DOCK4: variants seen among roughly 807,000 people sequenced by gnomAD.
DOCK4 encodes dedicator of cytokinesis 4.
Under a neutral mutation model 268.1 loss-of-function variants are expected in DOCK4, and 97 were observed. That is an observed-to-expected ratio of 0.36 (90% CI 0.31 to 0.43). The LOEUF (loss-of-function observed/expected upper bound fraction) is 0.43, where lower values mean the gene tolerates loss of function less well. Among genes scored for constraint, DOCK4 ranks in the 20% least tolerant of loss-of-function variants. DOCK4 has a pLI of 1.00. For missense variants in DOCK4, 2,145 were observed against 2,455.7 expected, an observed-to-expected ratio of 0.87 and a Z score of 2.67; for synonymous variants, 954 against 887.2, an observed-to-expected ratio of 1.08 and a Z score of -1.34.
intron 13 of DOCK4, among the ~76,000 whole-genome samples, chr7:111,909,594 CAAAT>C (rs1249488345): frequency 1.3e-5 from 2 of 152,186 alleles, no homozygotes; most frequent in Non-Finnish European, 2.9e-5. Context: ...ATAAAATAAA[CAAAT>C]AAATCCTCAG....
chr7:111,902,901 C>G (rs941247881), intron 13 of DOCK4, among the ~76,000 whole-genome samples: 3 of 152,106 alleles, frequency 2.0e-5, no homozygotes, highest in Non-Finnish European at 4.4e-5. Flanking sequence ...TCCCGAGTAG[C>G]TGGGACTACA....
In DOCK4 at chr7:111,765,279, T is replaced by C. The variant is rs143820644; in HGVS notation, c.3916-57A>G. 28 of 976,850 alleles carry C rather than the reference T, an allele frequency of 2.9e-5. No individual in the cohort carries two copies. The East Asian group carries it at 5.7e-4, about 20-fold the overall frequency. 60.5% of individuals were successfully genotyped at this position (976,850 alleles called of 1,614,324 possible). A position where few individuals can be genotyped will look rare whatever the true frequency, so the allele number is the denominator to read the frequency against. On this transcript the variant is annotated intron_variant, in intron 38 of 52. Coordinates refer to ENST00000428084, the MANE Select transcript of DOCK4 (RefSeq NM_001363540.2). Reference sequence around the variant, plus strand: ...TATCTCATCTTTCGGTTCTATCAAATTTATAGAATAAGATTTCTTTTTTAC... The same window carrying C: ...TATCTCATCTTTCGGTTCTATCAAACTTATAGAATAAGATTTCTTTTTTAC...
chr7:112,037,716 C>G (rs1803940530), intron 1 of DOCK4, among the ~76,000 whole-genome samples: 1 of 152,142 alleles, frequency 6.6e-6, no homozygotes. Context: ...AATCTGAACA[C>G]TCTTGCACTT....
At chr7:112,051,431 T>C (rs1224763560) in intron 1 of DOCK4, among the ~76,000 whole-genome samples, 1 of 152,112 alleles carries the variant, frequency 6.6e-6, no homozygotes, top group African/African-American at 2.4e-5. Context: ...ATTATAATGA[T>C]ACTAAATTAC....
intron 1 of DOCK4, among the ~76,000 whole-genome samples, chr7:112,204,842 TACAC>T (rs1042729081): frequency 2.0e-5 from 3 of 151,584 alleles, no homozygotes; most frequent in African/African-American, 7.3e-5. Context: ...AGCAGATATC[TACAC>T]ATCACCTAAA....
intron 30 of DOCK4, chr7:111,801,583 A>G (rs928764478): frequency 6.7e-6 from 1 of 149,950 alleles, no homozygotes; most frequent in African/African-American, 2.4e-5. Flanking sequence ...TCCTACCTTT[A>G]TTTTTGACCT....
At position 111,924,526 on chromosome 7, in the gene DOCK4, T is replaced by A. The variant is rs368401224; in HGVS notation, c.1067-8622A>T. Among the ~76,000 whole-genome samples the A allele has an allele frequency of 4.7e-4, 71 of 152,300 alleles. 1 individual carries two copies. Among genetic ancestry groups the A allele is most frequent in the African/African-American group, 1.6e-3 (68 of 41,580 alleles). On this transcript the variant is annotated intron_variant, in intron 12 of 52. Coordinates refer to ENST00000428084, the MANE Select transcript of DOCK4 (RefSeq NM_001363540.2). ...CAGGCAGGAAGGAGAAAATGAGATG[T>A]GATATAAGTTTCACCAACTCTCTTG...
chr7:111,755,671 T>A, intron 41 of DOCK4, 70 bp from the exon 42 acceptor site: 1 of 1,370,694 alleles, frequency 7.3e-7, no homozygotes, highest in Non-Finnish European at 1.0e-6. Flanking sequence ...GACTAGTGTT[T>A]GTCGGTCACT....
chr7:112,060,987 T>TA (rs1315521301), intron 1 of DOCK4, among the ~76,000 whole-genome samples: 2 of 152,192 alleles, frequency 1.3e-5, no homozygotes, highest in South Asian at 4.1e-4. Flanking sequence ...TTTACCACAG[T>TA]AAAAAATTAG....
At position 112,154,423 on chromosome 7, in the gene DOCK4, T is replaced by A. The variant is rs139583889; in HGVS notation, c.37+51679A>T. 1.2e-4 allele frequency among the ~76,000 whole-genome samples: 19 copies of A among 152,302 alleles called. No individual in the cohort carries two copies. The East Asian group carries it at 3.5e-3, about 28-fold the overall frequency. On this transcript the variant is annotated intron_variant, in intron 1 of 52. Transcript: ENST00000428084. ...GCACAACTCCATGCTACTTAGACAT[T>A]GTTTGACTCCTTTTTCTTTGCACTT...
intron 5 of DOCK4, among the ~76,000 whole-genome samples, chr7:111,992,787 T>C (rs577262147): frequency 1.3e-5 from 2 of 152,376 alleles, no homozygotes; most frequent in African/African-American, 2.4e-5. Flanking sequence ...TTTATAACTC[T>C]TATATCGGGT....
intron 30 of DOCK4, among the ~76,000 whole-genome samples, chr7:111,799,103 A>T (rs1385049375): frequency 6.6e-6 from 1 of 152,234 alleles, no homozygotes; most frequent in Non-Finnish European, 1.5e-5. Flanking sequence ...GGAAGGCTCC[A>T]TAAAAGAAAT....
chr7:111,870,944 C>A (rs58018603), intron 20 of DOCK4, among the ~76,000 whole-genome samples: 3,916 of 152,288 alleles, frequency 0.026, 152 homozygotes, highest in African/African-American at 0.089. Context: ...CAAAACTATT[C>A]CTGCGGTTGC....
intron 8 of DOCK4, among the ~76,000 whole-genome samples, chr7:111,947,259 A>G (rs1230079422): frequency 1.3e-5 from 2 of 152,248 alleles, no homozygotes; most frequent in African/African-American, 4.8e-5. Flanking sequence ...TGAGAACCAT[A>G]AACAGATCTC....
At position 111,762,762 on chromosome 7, in the gene DOCK4, C is replaced by CTTTTTTTTTTTTTTTTTTT. The variant is rs869052136; in HGVS notation, c.4020+2337_4020+2355dup. ...TAAATAACCCATTTTGTTTTGTTTT[C>CTTTTTTTTTTTTTTTTTTT]TTTTTTTTTTTTTTTTTTTTTTTTG... On this transcript the variant is annotated intron_variant, in intron 39 of 52. Coordinates refer to ENST00000428084, the MANE Select transcript of DOCK4 (RefSeq NM_001363540.2). Among the ~76,000 whole-genome samples, 248 of 63,064 alleles carry CTTTTTTTTTTTTTTTTTTT rather than the reference C, an allele frequency of 3.9e-3. 13 individuals carry two copies. The highest frequency in any genetic ancestry group is 5.4e-3 in the Non-Finnish European group (180 of 33,370). 41.4% of individuals were successfully genotyped at this position (63,064 alleles called of 152,430 possible).
chr7:111,892,282 C>T (rs1309106216), intron 16 of DOCK4, among the ~76,000 whole-genome samples: 2 of 152,108 alleles, frequency 1.3e-5, no homozygotes, highest in Non-Finnish European at 2.9e-5. Context: ...CTCACTGTAA[C>T]CTCCGCCTCC....
chr7:111,827,614 T>G (rs769114613), intron 26 of DOCK4, among the ~76,000 whole-genome samples: 2 of 151,914 alleles, frequency 1.3e-5, no homozygotes, highest in African/African-American at 2.4e-5. Context: ...GGGGTACACA[T>G]TAGGTAATGG....
intron 30 of DOCK4, among the ~76,000 whole-genome samples, chr7:111,791,457 G>T (rs1321134877): frequency 8.3e-5 from 12 of 145,238 alleles, no homozygotes; most frequent in African/African-American, 2.8e-4. Context: ...TGTTTTTTTT[G>T]TTTTTTTTTT....
At chr7:111,840,201 A>T (rs1306230671) in intron 25 of DOCK4, among the ~76,000 whole-genome samples, 1 of 152,216 alleles carries the variant, frequency 6.6e-6, no homozygotes, top group Non-Finnish European at 1.5e-5. Context: ...GAAACCTATT[A>T]TACACATACA....
Sources: allele counts gnomAD v4.1 joint callset (sites outside exome capture counted in the v4.1 genomes callset), GRCh38; gene constraint gnomAD v4.1.1; transcripts MANE v1.5; gene names NCBI Gene and HGNC (gene_info 2026-07-23, HGNC 2026-07-21).